The following EDIL3 variants were observed in gnomAD, a reference collection of about 807,000 sequenced individuals.
EDIL3 encodes EGF-like repeat and discoidin I-like domain-containing protein 3.
In EDIL3, 37 loss-of-function variants were observed where a neutral mutation model predicts 67.4. That is an observed-to-expected ratio of 0.55 (90% CI 0.42 to 0.72). The LOEUF is 0.72. EDIL3 is among the 30% of genes least tolerant of loss of function. The pLI is 0.00. For synonymous variants in EDIL3, 195 were observed against 196.3 expected, an observed-to-expected ratio of 0.99 and a Z score of 0.05; for missense variants, 527 against 586.3, an observed-to-expected ratio of 0.90 and a Z score of 1.04.
chr5:84,317,309 A>C (rs1746533686), intron 1 of EDIL3, among the ~76,000 whole-genome samples: 1 of 152,204 alleles, frequency 6.6e-6, no homozygotes, highest in Non-Finnish European at 1.5e-5. Context: ...TCAACAAATC[A>C]ATGAATCCAG....
intron 1 of EDIL3, among the ~76,000 whole-genome samples, chr5:84,319,489 A>AC (rs1746582268): frequency 1.8e-5 from 1 of 56,098 alleles, no homozygotes; most frequent in African/African-American, 7.4e-5. Flanking sequence ...AAAAACAAAA[A>AC]ACAACAAAAA....
chr5:84,261,937 T>G (rs1218288402), intron 1 of EDIL3, among the ~76,000 whole-genome samples: 1 of 152,222 alleles, frequency 6.6e-6, no homozygotes, highest in African/African-American at 2.4e-5. Context: ...GGAGAAAATC[T>G]GCTGTTCAGT....
intron 4 of EDIL3, among the ~76,000 whole-genome samples, chr5:84,172,350 G>A (rs866097646): frequency 6.6e-6 from 1 of 152,186 alleles, no homozygotes; most frequent in South Asian, 2.1e-4. Context: ...GGGAGGCCAA[G>A]GTGGGGGAAT....
chr5:84,290,820 A>G (rs1298503719), intron 1 of EDIL3, among the ~76,000 whole-genome samples: 1 of 152,088 alleles, frequency 6.6e-6, no homozygotes, highest in African/African-American at 2.4e-5. Flanking sequence ...TCTCCTATTA[A>G]TCTGCCTTAT....
At chr5:84,036,679 A>T (rs1266846821) in intron 9 of EDIL3, among the ~76,000 whole-genome samples, 1 of 152,200 alleles carries the variant, frequency 6.6e-6, no homozygotes, top group Admixed American at 6.5e-5. Flanking sequence ...GACTTGAGGG[A>T]TTCTAGCACA....
At chr5:84,176,197 TAATATATATA>T (rs1164857669) in intron 4 of EDIL3, among the ~76,000 whole-genome samples, 3,243 of 106,562 alleles carry the variant, frequency 0.03, 62 homozygotes, top group Middle Eastern at 0.061. Context: ...TATATATATA[TAATATATATA>T]TATATATATA....
At chr5:83,961,198 A>G (rs949315680) in intron 10 of EDIL3, among the ~76,000 whole-genome samples, 13 of 151,098 alleles carry the variant, frequency 8.6e-5, no homozygotes, top group Non-Finnish European at 1.6e-4. Flanking sequence ...GTTTATGTAC[A>G]TATCAACAGA....
chr5:84,282,375 C>T (rs1266028968), intron 1 of EDIL3, among the ~76,000 whole-genome samples: 1 of 152,060 alleles, frequency 6.6e-6, no homozygotes, highest in Non-Finnish European at 1.5e-5. Flanking sequence ...TATCAACTTT[C>T]CTTCTATATG....
At chr5:83,973,787 A>G (rs1037881257) in intron 9 of EDIL3, among the ~76,000 whole-genome samples, 2 of 152,092 alleles carry the variant, frequency 1.3e-5, no homozygotes, top group Non-Finnish European at 2.9e-5. Context: ...GGCAAATACC[A>G]TAAGAACTGA....
At chr5:84,119,574 A>G (rs1747735172) in intron 5 of EDIL3, among the ~76,000 whole-genome samples, 2 of 152,104 alleles carry the variant, frequency 1.3e-5, no homozygotes, top group Admixed American at 6.6e-5. Flanking sequence ...TTAGTTTAAA[A>G]TAGGTCTGGG....
In EDIL3 at chr5:84,121,442, C is replaced by T. The variant is rs562500900; in HGVS notation, c.470-14612G>A. Among the ~76,000 whole-genome samples, 34 of 151,912 alleles carry T rather than the reference C, an allele frequency of 2.2e-4. No individual in the cohort carries two copies. The East Asian group carries it at 3.7e-3, about 16-fold the overall frequency. ...CCCAGAATCTCACTGCCAGTACTACCGCCTCCTTCTTCTTAATGGCGTCCC... is the reference window on the plus strand; with the variant it reads ...CCCAGAATCTCACTGCCAGTACTACTGCCTCCTTCTTCTTAATGGCGTCCC... On this transcript the variant is annotated intron_variant, in intron 5 of 10. Coordinates refer to ENST00000296591, the MANE Select transcript of EDIL3 (RefSeq NM_005711.5).
At chr5:84,193,401 A>G (rs1300259321) in intron 3 of EDIL3, among the ~76,000 whole-genome samples, 1 of 151,876 alleles carries the variant, frequency 6.6e-6, no homozygotes, top group Non-Finnish European at 1.5e-5. Context: ...ATTCACTGAA[A>G]CAGCAACACT....
intron 9 of EDIL3, among the ~76,000 whole-genome samples, chr5:84,051,057 A>G (rs1019113327): frequency 4.6e-5 from 7 of 151,952 alleles, no homozygotes; most frequent in African/African-American, 1.7e-4. Context: ...TCTGGGAGGC[A>G]CCCCCCAGTA....
intron 4 of EDIL3, among the ~76,000 whole-genome samples, chr5:84,171,755 A>C (rs1225383574): frequency 2.0e-5 from 3 of 152,144 alleles, no homozygotes; most frequent in Non-Finnish European, 2.9e-5. Flanking sequence ...TAGAACACTG[A>C]TTTTCAGTCT....
chr5:84,351,499 C>T (rs754304465), intron 1 of EDIL3, among the ~76,000 whole-genome samples: 18 of 152,074 alleles, frequency 1.2e-4, no homozygotes, highest in Non-Finnish European at 2.4e-4. Context: ...TCATTGCTGA[C>T]GATAAGCTAG....
intron 1 of EDIL3, among the ~76,000 whole-genome samples, chr5:84,302,894 A>T (rs1746188169): frequency 6.6e-6 from 1 of 152,214 alleles, no homozygotes; most frequent in Non-Finnish European, 1.5e-5. Flanking sequence ...TATTTCATTC[A>T]TTGCTTCCTA....
At chr5:83,964,395 T>C (rs1243530873) in intron 9 of EDIL3, among the ~76,000 whole-genome samples, 1 of 151,970 alleles carries the variant, frequency 6.6e-6, no homozygotes, top group Non-Finnish European at 1.5e-5. Context: ...ACTAAGTGCC[T>C]TGCTACATCC....
At chr5:84,221,094 G>C (rs555897143) in intron 3 of EDIL3, among the ~76,000 whole-genome samples, 96 of 152,046 alleles carry the variant, frequency 6.3e-4, no homozygotes, top group African/African-American at 2.2e-3. Context: ...CTGTTACCTA[G>C]AACTAAGGAA....
At chr5:84,209,715 T>C (rs1744076045) in intron 3 of EDIL3, among the ~76,000 whole-genome samples, 1 of 151,840 alleles carries the variant, frequency 6.6e-6, no homozygotes. Context: ...AATAATGGGG[T>C]AGAAAAGTTG....
Sources: gnomAD v4.1 joint callset for allele counts (sites outside exome capture counted in the v4.1 genomes callset) on GRCh38, gnomAD v4.1.1 for gene constraint, MANE v1.5 for transcripts, NCBI Gene and HGNC (gene_info 2026-07-23, HGNC 2026-07-21) for gene names.